Variants in TICAM1 observed in about 807,000 individuals in gnomAD.
The protein encoded by TICAM1 is TIR domain-containing adapter molecule 1.
For synonymous variants in TICAM1, 439 were observed against 415.4 expected (o/e 1.06, Z -0.69); for missense variants, 895 against 938.2 (o/e 0.95, Z 0.60).
chr19:4,830,759 T>C (rs1294177456), intron 1 of TICAM1, among the ~76,000 whole-genome samples: 1 of 152,146 alleles, frequency 6.6e-6, no homozygotes, highest in African/African-American at 2.4e-5. Context: ...GGGAAGGGGC[T>C]ACAGGGGACC....
Position 4,817,733 on chromosome 19 carries a change from C to T in TICAM1, c.645G>A (p.Met215Ile), listed in dbSNP as rs1227093064. 3.7e-6 allele frequency: 6 copies of T among 1,601,374 alleles called. No homozygotes were observed. In the East Asian group the frequency reaches 1.3e-4, roughly 36 times the overall value. ...GGCTGCGGTGCAGGCTGAGGAAGGGCATGGTAGGGGACTGGCTGATTTCCA... is the reference window on the plus strand; with the variant it reads ...GGCTGCGGTGCAGGCTGAGGAAGGGTATGGTAGGGGACTGGCTGATTTCCA... The part of the protein sequence containing the change: ...SNLEISQSPT[M>I]PFLSLHRSPH... Residue 215 changes from methionine (M) to isoleucine (I), a missense_variant, in exon 2 of 2, where the codon ATG becomes ATA. Physicochemically the swap from Met to Ile is conservative, Grantham distance 10. Coordinates refer to ENST00000248244, the MANE Select transcript of TICAM1 (RefSeq NM_182919.4). This position sits in a 1 kb window ranked among gnomAD's most constrained non-coding sequence, Gnocchi z 4.7.
chr19:4,818,588 C>T lies in TICAM1; in HGVS notation c.-139-72G>A. The T allele has an allele frequency of 9.3e-7, 1 of 1,079,244 alleles. No homozygotes were observed. The highest frequency in any genetic ancestry group is 1.2e-6 in the Non-Finnish European group (1 of 800,468). 66.9% of individuals were successfully genotyped at this position (1,079,244 alleles called of 1,614,324 possible). A position where few individuals can be genotyped will look rare whatever the true frequency, so the allele number is the denominator to read the frequency against. ...AGCACGGGAAGGCGGCCCACACACC[C>T]CCGCCTGCTTTCCCCGCCTGCCACC... is the stretch of plus-strand genomic sequence containing the variant. On this transcript the variant is annotated intron_variant, in intron 1 of 1. Transcript: ENST00000248244. This position sits in a 1 kb window ranked among gnomAD's most constrained non-coding sequence, Gnocchi z 4.0.
At chr19:4,831,418 C>G (rs1384002973) in intron 1 of TICAM1, among the ~76,000 whole-genome samples, 196 bp downstream of exon 1, 1 of 151,856 alleles carries the variant, frequency 6.6e-6, no homozygotes, top group Non-Finnish European at 1.5e-5. Flanking sequence ...ATCTGGGCCA[C>G]CAGCGCGGGG....
At chr19:4,829,805 C>CTTTT (rs539314470) in intron 1 of TICAM1, among the ~76,000 whole-genome samples, 523 of 87,208 alleles carry the variant, frequency 6.0e-3, no homozygotes, top group Middle Eastern at 0.021. Context: ...AATTTCATTT[C>CTTTT]TTTTTTTTTT....
Position 4,816,340 on chromosome 19 carries a change from T to A in TICAM1, c.2038A>T (p.Ile680Phe). 1 of 1,582,020 alleles carries A rather than the reference T, an allele frequency of 6.3e-7. No homozygotes were observed. Residue 680 changes from isoleucine to phenylalanine, a missense_variant, in exon 2 of 2, where the codon ATT (isoleucine) becomes TTT (phenylalanine). By Grantham distance (21) the Ile-to-Phe change is conservative. Transcript: ENST00000248244. This position sits in a 1 kb window ranked among gnomAD's most constrained non-coding sequence, Gnocchi z 4.3. ...PPQSPGLQPL[I>F]IHHAQMVQLG... ...TGTACCATCTGTGCGTGGTGGATAA[T>A]GAGGGGTTGCAGCCCTGGGCTCTGA...
chr19:4,827,711 T>C (rs1287962331), intron 1 of TICAM1, among the ~76,000 whole-genome samples: 2 of 147,900 alleles, frequency 1.4e-5, no homozygotes, highest in African/African-American at 5.0e-5. Flanking sequence ...CGAGCCGAGT[T>C]GGTGCCACTG....
At chr19:4,824,348 T>C (rs965716311) in intron 1 of TICAM1, among the ~76,000 whole-genome samples, 10 of 148,462 alleles carry the variant, frequency 6.7e-5, no homozygotes, top group Non-Finnish European at 1.2e-4. Flanking sequence ...TTTTTTTTTT[T>C]TTTGGAGACA....
At chr19:4,824,899 C>T (rs1323407355) in intron 1 of TICAM1, among the ~76,000 whole-genome samples, 1 of 151,832 alleles carries the variant, frequency 6.6e-6, no homozygotes, top group Non-Finnish European at 1.5e-5. Flanking sequence ...CACCACTGCA[C>T]TCCAACTTGG....
In TICAM1 at chr19:4,816,957, A is replaced by G. The variant is rs1256701940; in HGVS notation, c.1421T>C (p.Met474Thr). The G allele has an allele frequency of 6.2e-7, 1 of 1,613,824 alleles. No homozygotes were observed. Among genetic ancestry groups the G allele is most frequent in the Non-Finnish European group, 8.5e-7 (1 of 1,179,820 alleles). ...CGACCCCTGTCGCGTGAGGTTGCTC[A>G]TCATGGCTTGGTTCACCTGGTGCAG... ...LSLHQVNQAMMSNLTRQGSPD... is the reference protein window; with the variant it reads ...LSLHQVNQAMTSNLTRQGSPD... The change falls in exon 2 of 2, where the codon ATG (methionine) becomes ACG (threonine). Residue 474 changes from methionine (M) to threonine (T), a missense_variant. By Grantham distance (81) the Met-to-Thr change is moderately conservative. Transcript: ENST00000248244. This position sits in a 1 kb window ranked among gnomAD's most constrained non-coding sequence, Gnocchi z 4.3.
chr19:4,822,695 A>G (rs1013880112), intron 1 of TICAM1, among the ~76,000 whole-genome samples: 3 of 152,240 alleles, frequency 2.0e-5, no homozygotes, highest in African/African-American at 7.2e-5. Context: ...GACCCTTGAC[A>G]GAAAAAGCTT....
intron 1 of TICAM1, among the ~76,000 whole-genome samples, chr19:4,828,163 G>A (rs1016076057): frequency 7.9e-5 from 12 of 151,912 alleles, no homozygotes; most frequent in South Asian, 4.1e-4. Flanking sequence ...CTCCCAGGCT[G>A]GAGTGCAGTG....
rs1600053016 is a variant in TICAM1 at position 4,816,868 on chromosome 19, C to T, written c.1510G>A (p.Ala504Thr). Residue 504 changes from alanine (A) to threonine (T), a missense_variant, in exon 2 of 2, where the codon GCC becomes ACC. Transcript: ENST00000248244. This position sits in a 1 kb window ranked among gnomAD's most constrained non-coding sequence, Gnocchi z 4.3. ...CGCACCAGCCCGGAGAGCAGGCTGG[C>T]CGTGTCGGAGCTGAGCTGGGCCGGG... ...SSPAQLSSDT[A>T]SLLSGLVRLD... 8.7e-6 allele frequency: 14 copies of T among 1,612,480 alleles called. No homozygotes were observed. Among genetic ancestry groups the T allele is most frequent in the Non-Finnish European group, 1.2e-5 (14 of 1,180,028 alleles).
At chr19:4,828,232 A>T (rs2093608737) in intron 1 of TICAM1, among the ~76,000 whole-genome samples, 3 of 151,056 alleles carry the variant, frequency 2.0e-5, no homozygotes, top group Non-Finnish European at 4.4e-5. Context: ...CTCCTGCCTC[A>T]GCCTCCTGTG....
intron 1 of TICAM1, among the ~76,000 whole-genome samples, chr19:4,823,117 C>G (rs925519376): frequency 1.3e-5 from 2 of 152,062 alleles, no homozygotes; most frequent in African/African-American, 2.4e-5. Context: ...ATCAAGAGCT[C>G]GAGACCAGCC....
At chr19:4,824,361 G>A (rs2093602545) in intron 1 of TICAM1, among the ~76,000 whole-genome samples, 1 of 135,054 alleles carries the variant, frequency 7.4e-6, no homozygotes, top group Non-Finnish European at 1.5e-5. Context: ...TGGAGACAGA[G>A]TCTCGCTCTG....
Position 4,816,279 on chromosome 19 carries a change from CCT to C in TICAM1, c.2097_2098del (p.Gly700ValfsTer65). ...CGTCTTGTCCTCGGGCGCCTGGGAC[CCT>C]CTCTGGTTCCACATGTGGTTGTTCA... is the stretch of plus-strand genomic sequence containing the variant. On this transcript the variant is annotated frameshift_variant, in exon 2 of 2. Transcript: ENST00000248244. LOFTEE classifies it low-confidence loss of function (END_TRUNC). This position sits in a 1 kb window ranked among gnomAD's most constrained non-coding sequence, Gnocchi z 4.3. 6.6e-7 allele frequency: 1 copy of C among 1,515,886 alleles called. No homozygotes were observed. The highest frequency in any genetic ancestry group is 8.8e-7 in the Non-Finnish European group (1 of 1,133,134). The allele number at this position is 1,515,886 out of a possible 1,614,324, so 93.9% of individuals were successfully genotyped here.
Position 4,817,861 on chromosome 19 carries a change from A to G in TICAM1, c.517T>C (p.Ser173Pro). The G allele has an allele frequency of 6.2e-7, 1 of 1,612,976 alleles. No homozygotes were observed. The highest frequency in any genetic ancestry group is 8.5e-7 in the Non-Finnish European group (1 of 1,179,678). The change falls in exon 2 of 2, where the codon TCT (serine) becomes CCT (proline). Residue 173 changes from serine to proline, a missense_variant. Coordinates refer to ENST00000248244, the MANE Select transcript of TICAM1 (RefSeq NM_182919.4). The surrounding 1 kb of genome is among the most constrained non-coding windows in gnomAD (Gnocchi z 4.7). ...GCLPPSSALPSGTRSLPRPID... is the reference protein window; with the variant it reads ...GCLPPSSALPPGTRSLPRPID... ...GGGCGTGGGAGGCTCCTGGTCCCAG[A>G]GGGCAAAGCCGAGGATGGTGGGAGG... is the stretch of plus-strand genomic sequence containing the variant.
rs369615025 is a variant in TICAM1, at chr19:4,816,254, C to T, written c.2124G>A (p.Thr708=). Residue 708 remains threonine, a synonymous_variant, in exon 2 of 2, where the codon ACG becomes ACA. Coordinates refer to ENST00000248244, the MANE Select transcript of TICAM1 (RefSeq NM_182919.4). The surrounding 1 kb of genome is among the most constrained non-coding windows in gnomAD (Gnocchi z 4.3). ...QRGSQAPEDK[T]QEAE ...GGACACGCGGTCATTCTGCCTCCTG[C>T]GTCTTGTCCTCGGGCGCCTGGGACC... 18 of 1,510,258 alleles carry T rather than the reference C, an allele frequency of 1.2e-5. No individual in the cohort carries two copies. Among genetic ancestry groups the T allele is most frequent in the South Asian group, 9.4e-5 (7 of 74,852 alleles). 93.6% of individuals were successfully genotyped at this position (1,510,258 alleles called of 1,614,324 possible).
At chr19:4,829,541 G>T (rs994337930) in intron 1 of TICAM1, among the ~76,000 whole-genome samples, 1 of 152,082 alleles carries the variant, frequency 6.6e-6, no homozygotes, top group Admixed American at 6.6e-5. Flanking sequence ...GGGGTAGGAG[G>T]GTTCTGGCTC....
Sources: gnomAD v4.1 joint callset for allele counts (sites outside exome capture counted in the v4.1 genomes callset) on GRCh38, gnomAD v4.1.1 for gene constraint, Gnocchi (gnomAD v3.1) non-coding constraint, MANE v1.5 for transcripts, NCBI Gene and HGNC (gene_info 2026-07-23, HGNC 2026-07-21) for gene names.